PTPRN2: variants seen among roughly 807,000 people sequenced by gnomAD.
The protein encoded by PTPRN2 is protein tyrosine phosphatase receptor type N2, also known as receptor-type tyrosine-protein phosphatase N2.
Under a neutral mutation model 118.8 loss-of-function variants are expected in PTPRN2, and 74 were observed. That is an observed-to-expected ratio of 0.62 (90% CI 0.52 to 0.76). The LOEUF is 0.76. Ranked by LOEUF, PTPRN2 falls within the 30% of genes least tolerant of loss-of-function variation. The pLI is 0.00. For synonymous variants in PTPRN2, 641 were observed against 608.0 expected, an observed-to-expected ratio of 1.05 and a Z score of -0.80; for missense variants, 1,481 against 1,394.4, an observed-to-expected ratio of 1.06 and a Z score of -0.99.
At chr7:158,124,300 T>C (rs1292894478) in intron 9 of PTPRN2, among the ~76,000 whole-genome samples, 1 of 152,250 alleles carries the variant, frequency 6.6e-6, no homozygotes, top group African/African-American at 2.4e-5. Flanking sequence ...GAGAGTTCCC[T>C]AAAATCAGCT....
At chr7:158,081,187 T>C (rs1812790698) in intron 11 of PTPRN2, 111 bp downstream of exon 11, 2 of 1,084,872 alleles carry the variant, frequency 1.8e-6, no homozygotes, top group Non-Finnish European at 1.4e-6. Flanking sequence ...GGTTGCCCCA[T>C]GTGGGTAGTG....
intron 4 of PTPRN2, among the ~76,000 whole-genome samples, chr7:158,194,544 C>T (rs1331592001): frequency 6.6e-6 from 1 of 152,230 alleles, no homozygotes; most frequent in East Asian, 1.9e-4. Context: ...GGTCCAGACG[C>T]CACAGGCCCC....
chr7:158,421,655 A>C (rs1246741244), intron 2 of PTPRN2, among the ~76,000 whole-genome samples: 1 of 152,216 alleles, frequency 6.6e-6, no homozygotes, highest in Non-Finnish European at 1.5e-5. Flanking sequence ...AAACACAAAA[A>C]CAATCTTATG....
At chr7:158,097,793 T>C (rs1462344305) in intron 10 of PTPRN2, among the ~76,000 whole-genome samples, 2 of 144,930 alleles carry the variant, frequency 1.4e-5, no homozygotes, top group African/African-American at 2.8e-5. Context: ...TCATAAGAAA[T>C]AATGGGATTT....
chr7:158,110,010 CCAGT>C (rs1158462970), intron 10 of PTPRN2, among the ~76,000 whole-genome samples: 1 of 76,876 alleles, frequency 1.3e-5, no homozygotes, highest in Non-Finnish European at 4.0e-5. Flanking sequence ...TGTGAAGGGA[CCAGT>C]GAGTGAATGA....
At chr7:157,858,011 G>A (rs1434598506) in intron 12 of PTPRN2, among the ~76,000 whole-genome samples, 2 of 151,922 alleles carry the variant, frequency 1.3e-5, no homozygotes, top group Non-Finnish European at 2.9e-5. Flanking sequence ...GGCCTGAAAA[G>A]AAACACGGCC....
At chr7:158,001,208 G>A (rs1382785104) in intron 11 of PTPRN2, among the ~76,000 whole-genome samples, 4 of 149,946 alleles carry the variant, frequency 2.7e-5, no homozygotes, top group African/African-American at 4.9e-5. Flanking sequence ...GGCCGCAGGC[G>A]GGGTGAAGGG....
At chr7:158,549,372 C>T (rs1022660915) in intron 1 of PTPRN2, among the ~76,000 whole-genome samples, 1 of 152,142 alleles carries the variant, frequency 6.6e-6, no homozygotes, top group African/African-American at 2.4e-5. Flanking sequence ...TTGTGTTCAC[C>T]GGGCGGATTC....
chr7:157,811,909 A>G (rs1191988524), intron 12 of PTPRN2, among the ~76,000 whole-genome samples: 3 of 152,118 alleles, frequency 2.0e-5, no homozygotes, highest in Non-Finnish European at 4.4e-5. Flanking sequence ...CTGTATCCCC[A>G]ATGCTGAATG....
At chr7:158,076,492 C>A (rs1039695971) in intron 11 of PTPRN2, among the ~76,000 whole-genome samples, 1 of 152,388 alleles carries the variant, frequency 6.6e-6, no homozygotes, top group Admixed American at 6.5e-5. Context: ...CGGGGCCAAC[C>A]TGCCTGTGTC....
At chr7:158,587,059 G>T (rs926282750) in intron 1 of PTPRN2, among the ~76,000 whole-genome samples, 2 of 152,080 alleles carry the variant, frequency 1.3e-5, no homozygotes, top group South Asian at 4.1e-4. Context: ...AGAGCCTGGG[G>T]GTGTCGCGCT....
intron 13 of PTPRN2, among the ~76,000 whole-genome samples, chr7:157,656,884 C>CCACA (rs1317365810): frequency 9.2e-5 from 13 of 141,232 alleles, no homozygotes; most frequent in East Asian, 2.1e-4. Context: ...CACACATACA[C>CCACA]CACACACACC....
At chr7:158,298,820 C>T (rs570518461) in intron 3 of PTPRN2, among the ~76,000 whole-genome samples, 139 of 152,300 alleles carry the variant, frequency 9.1e-4, no homozygotes, top group African/African-American at 3.1e-3. Flanking sequence ...CCAAGGACCT[C>T]CCACCTTCAA....
At position 158,406,138 on chromosome 7, in the gene PTPRN2, G is replaced by T. The variant is rs1337364616; in HGVS notation, c.163+83597C>A. Among the ~76,000 whole-genome samples, 298 of 98,866 alleles carry T rather than the reference G, an allele frequency of 3.0e-3. 38 individuals are homozygous for T. Among genetic ancestry groups the T allele is most frequent in the African/African-American group, 3.8e-3 (93 of 24,164 alleles). 64.9% of individuals were successfully genotyped at this position (98,866 alleles called of 152,430 possible). Reference sequence around the variant, plus strand: ...TCCCGGTGGCTCATCCGTGAGACACGTGGCCGCACACTGAGATCCCGCAGT... The same window carrying T: ...TCCCGGTGGCTCATCCGTGAGACACTTGGCCGCACACTGAGATCCCGCAGT... On this transcript the variant is annotated intron_variant, in intron 2 of 22. Coordinates refer to ENST00000389418, the MANE Select transcript of PTPRN2 (RefSeq NM_002847.5).
At chr7:158,473,455 G>A (rs1820017188) in intron 2 of PTPRN2, among the ~76,000 whole-genome samples, 1 of 152,226 alleles carries the variant, frequency 6.6e-6, no homozygotes, top group African/African-American at 2.4e-5. Context: ...GGCCTCTGCT[G>A]TGTCTGTGCA....
chr7:157,884,429 C>T (rs187259520), intron 12 of PTPRN2, among the ~76,000 whole-genome samples: 3 of 152,324 alleles, frequency 2.0e-5, no homozygotes, highest in South Asian at 2.1e-4. Context: ...GGACGGCTCT[C>T]GTCACTGGAA....
At chr7:158,424,059 G>A (rs1342210260) in intron 2 of PTPRN2, among the ~76,000 whole-genome samples, 1 of 152,162 alleles carries the variant, frequency 6.6e-6, no homozygotes, top group Admixed American at 6.5e-5. Flanking sequence ...AGAGGCAGCC[G>A]TCGGATTCCG....
At chr7:158,228,298 GA>G (rs1311199038) in intron 3 of PTPRN2, among the ~76,000 whole-genome samples, 1 of 152,108 alleles carries the variant, frequency 6.6e-6, no homozygotes, top group African/African-American at 2.4e-5. Flanking sequence ...CCTTCAAAAA[GA>G]AGAGTCACCA....
chr7:158,283,674 T>C (rs1297181277), intron 3 of PTPRN2, among the ~76,000 whole-genome samples: 1 of 151,990 alleles, frequency 6.6e-6, no homozygotes, highest in Non-Finnish European at 1.5e-5. Flanking sequence ...TGACCGGACC[T>C]CACCCCACCC....
Sources: gnomAD v4.1 joint callset for allele counts (sites outside exome capture counted in the v4.1 genomes callset) on GRCh38, gnomAD v4.1.1 for gene constraint, MANE v1.5 for transcripts, NCBI Gene and HGNC (gene_info 2026-07-23, HGNC 2026-07-21) for gene names.